The following FBLN2 variants were observed in gnomAD, a reference collection of about 807,000 sequenced individuals.
The protein encoded by FBLN2 is fibulin 2.
A neutral mutation model predicts 123.7 loss-of-function variants in FBLN2; 81 were observed. That is an observed-to-expected ratio of 0.65 (90% confidence interval 0.55 to 0.79). The LOEUF (loss-of-function observed/expected upper bound fraction) is 0.79, where lower values mean the gene tolerates loss of function less well. Ranked by LOEUF, FBLN2 falls within the 30% of genes least tolerant of loss-of-function variation. The pLI is 0.00. For missense variants in FBLN2, 1,603 were observed against 1,681.3 expected (o/e 0.95, Z 0.81); for synonymous variants, 699 against 701.4 (o/e 1.00, Z 0.05).
rs1472775244 is a variant in FBLN2 at position 13,625,306 on chromosome 3, C to T, written c.2297-1139C>T. Among the ~76,000 whole-genome samples the T allele has an allele frequency of 1.3e-5, 2 of 152,254 alleles. 1 individual carries two copies. Among genetic ancestry groups the T allele is most frequent in the South Asian group, 4.1e-4 (2 of 4,826 alleles). On this transcript the variant is annotated intron_variant, in intron 9 of 17. Transcript: ENST00000404922. ...TGAGCCTCTGTGGCTCCCCACCTCC[C>T]TTATGCGTCCTCTCTCTCCTTCACT...
intron 2 of FBLN2, among the ~76,000 whole-genome samples, chr3:13,591,812 T>A (rs1416044379): frequency 6.6e-6 from 1 of 152,194 alleles, no homozygotes; most frequent in Non-Finnish European, 1.5e-5. Context: ...TTGTTTTACC[T>A]TACACATTTA....
At chr3:13,609,697 TGGCCTG>T in intron 4 of FBLN2, 55 bp downstream of exon 4, 1 of 1,525,298 alleles carries the variant, frequency 6.6e-7, no homozygotes, top group Non-Finnish European at 8.8e-7. Context: ...GGCGGGAGGC[TGGCCTG>T]GGCCTGAAGG....
In FBLN2 at chr3:13,629,182, C is replaced by T. The variant is rs369039970; in HGVS notation, c.2732C>T (p.Thr911Ile). The part of the protein sequence containing the change: ...TKCVDVNECE[T>I]GVHRCGEGQV... ...CCCACAGACGTGAATGAGTGTGAGA[C>T]AGGTGTGCACCGCTGCGGTGAGGGC... is the stretch of plus-strand genomic sequence containing the variant. The change falls in exon 13 of 18, where the codon ACA (threonine) becomes ATA (isoleucine). Residue 911 changes from threonine to isoleucine, a missense_variant. Physicochemically the swap from Thr to Ile is moderately conservative, Grantham distance 89. Transcript: ENST00000404922. The T allele has an allele frequency of 1.1e-4, 185 of 1,613,098 alleles. No homozygotes were observed. The highest frequency in any genetic ancestry group is 1.5e-4 in the Non-Finnish European group (180 of 1,179,678).
intron 5 of FBLN2, 25 bp downstream of exon 5, chr3:13,614,189 C>A: frequency 6.2e-7 from 1 of 1,602,698 alleles, no homozygotes; most frequent in Non-Finnish European, 8.5e-7. Context: ...TCCCTGGCTG[C>A]GGCATATAGG....
chr3:13,636,540 C>T lies in FBLN2; in HGVS notation c.3310C>T (p.Pro1104Ser), dbSNP rs1204856346. The T allele has an allele frequency of 6.2e-7, 1 of 1,613,496 alleles. No homozygotes were observed. Among genetic ancestry groups the T allele is most frequent in the African/African-American group, 1.3e-5 (1 of 74,940 alleles). Residue 1104 changes from proline (P) to serine (S), a missense_variant, in exon 17 of 18, where the codon CCT becomes TCT. Physicochemically the swap from Pro to Ser is moderately conservative, Grantham distance 74. Coordinates refer to ENST00000404922, the MANE Select transcript of FBLN2 (RefSeq NM_001004019.2). Reference protein sequence around the residue: ...GSFRCLRFECPPNYVQVSKTK... With the variant: ...GSFRCLRFECSPNYVQVSKTK... The stretch of plus-strand genomic sequence containing the variant: ...CTTCCGCTGCCTGCGCTTCGAGTGT[C>T]CTCCCAACTATGTCCAAGTCTCCAA...
intron 14 of FBLN2, among the ~76,000 whole-genome samples, chr3:13,630,341 C>T (rs1458831702): frequency 6.6e-6 from 1 of 152,214 alleles, no homozygotes; most frequent in African/African-American, 2.4e-5. Context: ...GCTGTTGGCC[C>T]CAGCTCAGTG....
chr3:13,636,401 C>G (rs767743167), intron 16 of FBLN2, 44 bp from the exon 17 acceptor site: 1 of 1,604,314 alleles, frequency 6.2e-7, no homozygotes, highest in Non-Finnish European at 8.5e-7. Context: ...CAGGCTGGGT[C>G]CCCCAGCTGT....
intron 16 of FBLN2, among the ~76,000 whole-genome samples, chr3:13,632,122 G>A (rs1457979758): frequency 2.0e-5 from 3 of 152,188 alleles, no homozygotes; most frequent in Admixed American, 6.5e-5. Flanking sequence ...CTAGAGAGTC[G>A]TACTTCTAAG....
intron 2 of FBLN2, among the ~76,000 whole-genome samples, chr3:13,588,613 C>G (rs886846811): frequency 6.6e-6 from 1 of 152,224 alleles, no homozygotes; most frequent in African/African-American, 2.4e-5. Flanking sequence ...GAGTCAACGC[C>G]TCCCCGGCCA....
At chr3:13,560,760 C>CT (rs1703581848) in intron 1 of FBLN2, among the ~76,000 whole-genome samples, 1 of 152,062 alleles carries the variant, frequency 6.6e-6, no homozygotes, top group Admixed American at 6.6e-5. Flanking sequence ...CTTTTGTTTC[C>CT]TTTTTCTGGA....
chr3:13,618,167 G>A lies in FBLN2; in HGVS notation c.1821G>A (p.Glu607=), dbSNP rs754680877. 1.2e-6 allele frequency: 2 copies of A among 1,613,778 alleles called. No homozygotes were observed. Among genetic ancestry groups the A allele is most frequent in the East Asian group, 2.2e-5 (1 of 44,870 alleles). The part of the protein sequence containing the change: ...PNSLPGDDQD[E]CLLLPGELCQ... ...GCCTGCCGGGCGATGACCAGGATGA[G>A]TGCCTTCTCCTCCCGGGAGAGCTGT... The change falls in exon 6 of 18, where the codon GAG becomes GAA. Residue 607 remains glutamate (E), a synonymous_variant. Transcript: ENST00000404922.
intron 16 of FBLN2, among the ~76,000 whole-genome samples, chr3:13,633,207 A>C (rs1486952570): frequency 6.6e-6 from 1 of 152,236 alleles, no homozygotes; most frequent in Admixed American, 6.5e-5. Context: ...GCATATGCCC[A>C]TCGTGGGTGC....
In FBLN2 at chr3:13,638,005, C is replaced by G; in HGVS notation, c.*86C>G. 1 of 1,249,878 alleles carries G rather than the reference C, an allele frequency of 8.0e-7. No individual in the cohort carries two copies. The highest frequency in any genetic ancestry group is 1.1e-6 in the Non-Finnish European group (1 of 892,448). 77.4% of individuals were successfully genotyped at this position (1,249,878 alleles called of 1,614,324 possible). ...GACTGGGTCACTATTGTGGTTTTTA[C>G]TATAACTTTGTAAATTAACTTAATT... On this transcript the variant is annotated 3_prime_UTR_variant, in exon 18 of 18. Coordinates refer to ENST00000404922, the MANE Select transcript of FBLN2 (RefSeq NM_001004019.2).
chr3:13,618,229 A>G lies in FBLN2; in HGVS notation c.1883A>G (p.His628Arg). ...HLCINTVGSYHCACFPGFSLQ... is the reference protein window; with the variant it reads ...HLCINTVGSYRCACFPGFSLQ... ...TGCATCAATACTGTGGGTTCTTACC[A>G]CTGTGCCTGCTTTCCTGGCTTCTCA... Residue 628 changes from histidine (H) to arginine (R), a missense_variant, in exon 6 of 18, where the codon CAC (histidine) becomes CGC (arginine). His to Arg is a conservative substitution (Grantham distance 29, BLOSUM62 0). Transcript: ENST00000404922. The G allele has an allele frequency of 6.2e-7, 1 of 1,613,866 alleles. No homozygotes were observed. The highest frequency in any genetic ancestry group is 1.1e-5 in the South Asian group (1 of 91,080).
chr3:13,550,152 T>C (rs530333774), intron 1 of FBLN2, among the ~76,000 whole-genome samples: 33 of 152,292 alleles, frequency 2.2e-4, no homozygotes, highest in Non-Finnish European at 4.0e-4. Context: ...CCAGCCCCCC[T>C]GGCACTCCAT....
chr3:13,587,386 C>A (rs952143862), intron 2 of FBLN2, among the ~76,000 whole-genome samples: 2 of 151,986 alleles, frequency 1.3e-5, no homozygotes, highest in African/African-American at 4.8e-5. Flanking sequence ...GCTGAAGTGT[C>A]CAGTGTTTCT....
chr3:13,630,589 C>T, intron 14 of FBLN2, 110 bp from the exon 15 acceptor site: 1 of 884,042 alleles, frequency 1.1e-6, no homozygotes. Flanking sequence ...CATAGGTCAA[C>T]CCCAGTCCAG....
rs561510702 is a variant in FBLN2, at chr3:13,637,982, C to G, written c.*63C>G. 147 of 1,395,414 alleles carry G rather than the reference C, an allele frequency of 1.1e-4. No individual in the cohort carries two copies. In the African/African-American group the frequency reaches 1.7e-3, roughly 16 times the overall value. The allele number at this position is 1,395,414 out of a possible 1,614,324, so 86.4% of individuals were successfully genotyped here. A position where few individuals can be genotyped will look rare whatever the true frequency, so the allele number is the denominator to read the frequency against. ...CAGGGCTCACACTGCGTGGGAGGGA[C>G]TGGGTCACTATTGTGGTTTTTACTA... On this transcript the variant is annotated 3_prime_UTR_variant, in exon 18 of 18. Coordinates refer to ENST00000404922, the MANE Select transcript of FBLN2 (RefSeq NM_001004019.2).
chr3:13,619,673 C>A, intron 7 of FBLN2, 57 bp from the exon 8 acceptor site: 1 of 1,437,988 alleles, frequency 7.0e-7, no homozygotes, highest in Non-Finnish European at 9.7e-7. Flanking sequence ...GGGAATGAGC[C>A]AGTGTGGACC....
Sources: gnomAD v4.1 joint callset for allele counts (sites outside exome capture counted in the v4.1 genomes callset) on GRCh38, gnomAD v4.1.1 for gene constraint, MANE v1.5 for transcripts, NCBI Gene and HGNC (gene_info 2026-07-23, HGNC 2026-07-21) for gene names.